The following CLIC6 variants were observed in gnomAD, a reference collection of about 807,000 sequenced individuals.
CLIC6 encodes the protein chloride intracellular channel protein 6.
Under a neutral mutation model 49.2 loss-of-function variants are expected in CLIC6, and 39 were observed. The observed-to-expected ratio is 0.79, with a 90% CI of 0.61 to 1.04. The LOEUF is 1.04. CLIC6 is among the 50% of genes least tolerant of loss of function. The pLI, the probability that CLIC6 is intolerant of heterozygous loss-of-function variation, is 0.00. For synonymous variants in CLIC6, 446 were observed against 433.4 expected, an observed-to-expected ratio of 1.03 and a Z score of -0.36; for missense variants, 988 against 993.1, an observed-to-expected ratio of 0.99 and a Z score of 0.07.
intron 1 of CLIC6, among the ~76,000 whole-genome samples, chr21:34,672,730 C>T (rs911494838): frequency 1.3e-5 from 2 of 152,194 alleles, no homozygotes; most frequent in African/African-American, 4.8e-5. Flanking sequence ...GCCAGTGGGT[C>T]TGGGATCAAA....
rs1257849833 is a variant in CLIC6, at chr21:34,669,987, T to C, written c.599T>C (p.Val200Ala). 8 of 1,367,046 alleles carry C rather than the reference T, an allele frequency of 5.9e-6. No individual in the cohort carries two copies. In the African/African-American group the frequency reaches 1.1e-4, roughly 20 times the overall value. The allele number at this position is 1,367,046 out of a possible 1,614,324, so 84.7% of individuals were successfully genotyped here. The part of the protein sequence containing the change: ...VDAEGPAGDS[V>A]DAEGPLGDNI... ...GCGGAAGGTCCGGCGGGGGACAGCG[T>C]AGACGCGGAGGGCCCGCTGGGGGAC... Residue 200 changes from valine to alanine, a missense_variant, in exon 1 of 6, where the codon GTA (valine) becomes GCA (alanine). This residue lies in a region of CLIC6 where 57 missense variants were observed against 117.6 expected (regional missense o/e 0.48). Coordinates refer to ENST00000349499, the MANE Select transcript of CLIC6 (RefSeq NM_053277.3).
At chr21:34,673,555 T>C (rs779610446) in intron 1 of CLIC6, among the ~76,000 whole-genome samples, 3 of 152,168 alleles carry the variant, frequency 2.0e-5, no homozygotes, top group Non-Finnish European at 2.9e-5. Flanking sequence ...CCTCCCAAAG[T>C]GCTGGGATTA....
chr21:34,685,769 CATAA>C, intron 1 of CLIC6, among the ~76,000 whole-genome samples: 3 of 152,280 alleles, frequency 2.0e-5, no homozygotes, highest in Middle Eastern at 6.8e-3. Context: ...TGCTTTGAAT[CATAA>C]ATAACAGCAA....
chr21:34,706,319 A>G (rs946061597), intron 1 of CLIC6, among the ~76,000 whole-genome samples: 8 of 152,150 alleles, frequency 5.3e-5, no homozygotes, highest in Non-Finnish European at 1.2e-4. Context: ...CTGACTATCG[A>G]AAGGGCAGCA....
intron 1 of CLIC6, among the ~76,000 whole-genome samples, chr21:34,705,208 C>T (rs1259009615): frequency 3.3e-5 from 5 of 152,282 alleles, no homozygotes; most frequent in South Asian, 2.1e-4. Context: ...CTCCCCGCTC[C>T]GCCTTTGCTT....
intron 1 of CLIC6, among the ~76,000 whole-genome samples, chr21:34,679,890 T>C (rs936699930): frequency 2.0e-5 from 3 of 152,252 alleles, no homozygotes; most frequent in African/African-American, 7.2e-5. Context: ...CCCTCTTGGC[T>C]GCTTTCACGG....
In CLIC6 at chr21:34,670,625, C is replaced by A. The variant is rs750343864; in HGVS notation, c.1237C>A (p.Leu413Ile). ...GGGCGCCGCGGAGCCTGAGGCCCAG[C>A]TCAGCAACCACCTGGCCGAGGAGGG... ...SRGAAEPEAQ[L>I]SNHLAEEGPA... The change falls in exon 1 of 6, where the codon CTC becomes ATC. Residue 413 changes from leucine (L) to isoleucine (I), a missense_variant. Around this residue, in one of 3 missense-constraint regions of CLIC6, gnomAD observed 647 missense variants for 596.9 expected, o/e 1.08. Coordinates refer to ENST00000349499, the MANE Select transcript of CLIC6 (RefSeq NM_053277.3). The A allele has an allele frequency of 6.4e-7, 1 of 1,550,708 alleles. No homozygotes were observed. Among genetic ancestry groups the A allele is most frequent in the South Asian group, 1.2e-5 (1 of 84,528 alleles).
At chr21:34,684,924 C>T (rs1017674253) in intron 1 of CLIC6, among the ~76,000 whole-genome samples, 3 of 152,154 alleles carry the variant, frequency 2.0e-5, no homozygotes, top group Non-Finnish European at 4.4e-5. Flanking sequence ...TTTCAGGGCA[C>T]CCTTTTGGTT....
intron 3 of CLIC6, among the ~76,000 whole-genome samples, 158 bp from the exon 4 acceptor site, chr21:34,708,539 ATGT>A (rs1960182479): frequency 6.6e-6 from 1 of 152,210 alleles, no homozygotes; most frequent in Non-Finnish European, 1.5e-5. Flanking sequence ...ATTCTCCTAG[ATGT>A]TGTTACTTCC....
intron 1 of CLIC6, among the ~76,000 whole-genome samples, chr21:34,697,814 A>G (rs893802090): frequency 2.0e-5 from 3 of 152,238 alleles, no homozygotes; most frequent in African/African-American, 7.2e-5. Flanking sequence ...AGTTGAGGCC[A>G]GGAGAACTGC....
chr21:34,712,488 A>G (rs1171579314), intron 5 of CLIC6, among the ~76,000 whole-genome samples: 1 of 152,166 alleles, frequency 6.6e-6, no homozygotes, highest in Non-Finnish European at 1.5e-5. Context: ...ACAGTCCTGA[A>G]ATACCCAACT....
intron 1 of CLIC6, among the ~76,000 whole-genome samples, chr21:34,684,038 T>C (rs1168149139): frequency 6.6e-6 from 1 of 152,114 alleles, no homozygotes; most frequent in Non-Finnish European, 1.5e-5. Flanking sequence ...CTTCTTTTAA[T>C]AGTATATGGC....
chr21:34,673,523 T>C (rs2145795733), intron 1 of CLIC6, among the ~76,000 whole-genome samples: 1 of 152,246 alleles, frequency 6.6e-6, no homozygotes, highest in East Asian at 1.9e-4. Flanking sequence ...ACTCCTGACC[T>C]CAGGTGATCC....
intron 1 of CLIC6, among the ~76,000 whole-genome samples, chr21:34,697,419 C>A (rs1990107697): frequency 6.6e-6 from 1 of 152,092 alleles, no homozygotes; most frequent in Non-Finnish European, 1.5e-5. Flanking sequence ...CCTTCCCCTC[C>A]CCTCCCCTTC....
intron 1 of CLIC6, among the ~76,000 whole-genome samples, chr21:34,706,331 C>T (rs2056014565): frequency 1.3e-5 from 2 of 152,184 alleles, no homozygotes; most frequent in South Asian, 2.1e-4. Flanking sequence ...AGGGCAGCAG[C>T]AAGGGGATGG....
intron 1 of CLIC6, among the ~76,000 whole-genome samples, chr21:34,699,425 T>C (rs1990147307): frequency 6.6e-6 from 1 of 151,236 alleles, no homozygotes; most frequent in South Asian, 2.1e-4. Flanking sequence ...CTTTTTTTTT[T>C]TTTTTTTTTT....
intron 1 of CLIC6, among the ~76,000 whole-genome samples, chr21:34,687,212 G>C (rs112085378): frequency 6.6e-6 from 1 of 152,090 alleles, no homozygotes; most frequent in Non-Finnish European, 1.5e-5. Context: ...AAGGAAGGAG[G>C]CTCCATGCAG....
At chr21:34,693,806 GT>G (rs1990040580) in intron 1 of CLIC6, among the ~76,000 whole-genome samples, 1 of 152,126 alleles carries the variant, frequency 6.6e-6, no homozygotes, top group Non-Finnish European at 1.5e-5. Context: ...TTGTGACAGG[GT>G]TTGGATCTGT....
intron 1 of CLIC6, among the ~76,000 whole-genome samples, chr21:34,692,335 C>A (rs1380469325): frequency 6.6e-6 from 1 of 152,180 alleles, no homozygotes; most frequent in Non-Finnish European, 1.5e-5. Flanking sequence ...ACATATGTAG[C>A]TTGACGGACT....
Sources: allele counts gnomAD v4.1 joint callset (sites outside exome capture counted in the v4.1 genomes callset), GRCh38; gene constraint gnomAD v4.1.1; regional missense constraint gnomAD v4.1.1; transcripts MANE v1.5; gene names NCBI Gene and HGNC (gene_info 2026-07-23, HGNC 2026-07-21).